The following STAG1 variants were observed in gnomAD, a reference collection of about 807,000 sequenced individuals.
STAG1 encodes cohesin subunit SA-1.
Under a neutral mutation model 170.9 loss-of-function variants are expected in STAG1, and 26 were observed. That is an observed-to-expected ratio of 0.15 (90% confidence interval 0.11 to 0.21). The LOEUF (loss-of-function observed/expected upper bound fraction) is 0.21. Ranked by LOEUF, STAG1 falls within the 10% of genes least tolerant of loss-of-function variation. The probability of loss-of-function intolerance (pLI) is 1.00; values close to 1 mark genes in which losing one functional copy is unlikely to be tolerated. For synonymous variants in STAG1, 514 were observed against 497.7 expected, an observed-to-expected ratio of 1.03 and a Z score of -0.44; for missense variants, 964 against 1,509.5, an observed-to-expected ratio of 0.64 and a Z score of 5.99.
At position 136,606,324 on chromosome 3, in the gene STAG1, G is replaced by C. The variant is rs372965260; in HGVS notation, c.133-1851C>G. 6.1e-4 allele frequency among the ~76,000 whole-genome samples: 93 copies of C among 151,972 alleles called. 1 individual carries two copies. The South Asian group carries it at 0.012, about 20-fold the overall frequency. ...CTGCCTCAGCCTCTAGAGTAGCTATGATCATAGGCGCCTGTCATCACGCCC... is the reference window on the plus strand; with the variant it reads ...CTGCCTCAGCCTCTAGAGTAGCTATCATCATAGGCGCCTGTCATCACGCCC... On this transcript the variant is annotated intron_variant, in intron 3 of 33. Transcript: ENST00000383202.
At chr3:136,517,359 TATATTTATAAC>T (rs1559853107) in intron 7 of STAG1, among the ~76,000 whole-genome samples, 1 of 152,206 alleles carries the variant, frequency 6.6e-6, no homozygotes, top group African/African-American at 2.4e-5. Flanking sequence ...CCAGCATTAA[TATATTTATAAC>T]ATCACAGAAA....
intron 1 of STAG1, among the ~76,000 whole-genome samples, chr3:136,749,184 C>T (rs1243127895): frequency 2.6e-5 from 4 of 152,088 alleles, no homozygotes; most frequent in African/African-American, 7.2e-5. Flanking sequence ...AATTAAGGCC[C>T]TTAATCAGTT....
intron 1 of STAG1, among the ~76,000 whole-genome samples, chr3:136,642,291 T>TC (rs1275627458): frequency 3.9e-5 from 4 of 102,590 alleles, no homozygotes; most frequent in Non-Finnish European, 8.3e-5. Flanking sequence ...TTTTTTTTTT[T>TC]GAGACATTCT....
At chr3:136,340,388 C>G (rs1049464937) in intron 32 of STAG1, 103 bp downstream of exon 32, 2 of 720,356 alleles carry the variant, frequency 2.8e-6, no homozygotes, top group African/African-American at 3.5e-5. Flanking sequence ...TCCCAAAGTG[C>G]TGGGATTACA....
chr3:136,584,824 T>C (rs1232892176), intron 4 of STAG1, among the ~76,000 whole-genome samples: 3 of 152,192 alleles, frequency 2.0e-5, no homozygotes, highest in East Asian at 1.9e-4. Flanking sequence ...GACATTCATA[T>C]CCCAGCCCAT....
intron 1 of STAG1, among the ~76,000 whole-genome samples, chr3:136,739,364 A>G (rs936190922): frequency 9.9e-5 from 15 of 151,908 alleles, no homozygotes; most frequent in Non-Finnish European, 1.9e-4. Flanking sequence ...GAAAAAACGT[A>G]TTTTAATTAG....
At chr3:136,447,906 C>T (rs772161642) in intron 14 of STAG1, among the ~76,000 whole-genome samples, 2 of 152,056 alleles carry the variant, frequency 1.3e-5, no homozygotes, top group Non-Finnish European at 2.9e-5. Flanking sequence ...CATGAGCCAC[C>T]GCGCCTGGCT....
chr3:136,470,837 C>T (rs527422141), intron 12 of STAG1, among the ~76,000 whole-genome samples: 2 of 152,156 alleles, frequency 1.3e-5, no homozygotes, highest in East Asian at 1.9e-4. Context: ...TTTGTAGGGA[C>T]ATGGATGAAG....
chr3:136,363,796 T>C (rs1936970906), intron 25 of STAG1, among the ~76,000 whole-genome samples: 1 of 152,156 alleles, frequency 6.6e-6, no homozygotes. Context: ...AGGGTCTCAC[T>C]CAAGCTGGAG....
intron 1 of STAG1, among the ~76,000 whole-genome samples, chr3:136,707,284 G>C (rs1943254554): frequency 6.6e-6 from 1 of 152,160 alleles, no homozygotes; most frequent in Non-Finnish European, 1.5e-5. Flanking sequence ...CAAAATGAGA[G>C]AAAATACTTA....
chr3:136,616,621 T>C (rs1939609194), intron 3 of STAG1, among the ~76,000 whole-genome samples: 3 of 152,084 alleles, frequency 2.0e-5, no homozygotes, highest in Admixed American at 6.6e-5. Flanking sequence ...CAGAAAATTA[T>C]AAATAGGCTG....
chr3:136,561,007 TTTTGGTCCTTGG>T (rs1936817505), intron 5 of STAG1, among the ~76,000 whole-genome samples: 1 of 152,142 alleles, frequency 6.6e-6, no homozygotes, highest in African/African-American at 2.4e-5. Flanking sequence ...TAAAACACTC[TTTTGGTCCTTGG>T]TTCTTACGCA....
chr3:136,635,944 A>G (rs769326740), intron 1 of STAG1, among the ~76,000 whole-genome samples: 28 of 152,154 alleles, frequency 1.8e-4, no homozygotes, highest in Non-Finnish European at 3.2e-4. Flanking sequence ...AAACAATAAA[A>G]TTGTAATGTA....
At chr3:136,423,865 T>TA (rs2088032454) in intron 16 of STAG1, among the ~76,000 whole-genome samples, 1 of 151,768 alleles carries the variant, frequency 6.6e-6, no homozygotes, top group Admixed American at 6.6e-5. Context: ...TTTTTTTTTT[T>TA]ATTTTTTTTT....
rs549808654 is a variant in STAG1, at chr3:136,555,998, T to A, written c.394+12767A>T. Among the ~76,000 whole-genome samples, 4 of 152,286 alleles carry A rather than the reference T, an allele frequency of 2.6e-5. No homozygotes were observed. The South Asian group carries it at 6.2e-4, about 24-fold the overall frequency. ...AAGCAAGATACTAGCAAACCAAACC[T>A]AGCAATAATTTAAAAATATATCATG... On this transcript the variant is annotated intron_variant, in intron 5 of 33. Transcript: ENST00000383202.
intron 3 of STAG1, among the ~76,000 whole-genome samples, chr3:136,619,839 GA>G (rs1467413372): frequency 6.6e-6 from 1 of 151,794 alleles, no homozygotes; most frequent in Admixed American, 6.6e-5. Flanking sequence ...GCTGAGGTGG[GA>G]CGATCAGTTG....
At chr3:136,734,932 A>T (rs1934252233) in intron 1 of STAG1, among the ~76,000 whole-genome samples, 1 of 152,184 alleles carries the variant, frequency 6.6e-6, no homozygotes, top group South Asian at 2.1e-4. Context: ...GATCTCACTT[A>T]CATGTGGAAT....
chr3:136,408,277 T>C (rs1170650782), intron 21 of STAG1, among the ~76,000 whole-genome samples: 1 of 151,752 alleles, frequency 6.6e-6, no homozygotes, highest in Non-Finnish European at 1.5e-5. Context: ...CTGATAGAGA[T>C]TGGCAAGTAA....
At chr3:136,672,581 A>G (rs1349169967) in intron 1 of STAG1, among the ~76,000 whole-genome samples, 1 of 152,178 alleles carries the variant, frequency 6.6e-6, no homozygotes, top group African/African-American at 2.4e-5. Context: ...ACCACAATAA[A>G]AAAGCTGCCA....
Sources: allele counts gnomAD v4.1 joint callset (sites outside exome capture counted in the v4.1 genomes callset), GRCh38; gene constraint gnomAD v4.1.1; transcripts MANE v1.5; gene names NCBI Gene and HGNC (gene_info 2026-07-23, HGNC 2026-07-21).